Variants in HRH4 observed in about 807,000 individuals in gnomAD.
HRH4 encodes the protein histamine H4 receptor.
In HRH4, 12 loss-of-function variants were observed where a neutral mutation model predicts 10.4. The observed-to-expected ratio is 1.15, with a 90% confidence interval of 0.74 to 1.87. HRH4 has a LOEUF of 1.87. HRH4 is among the 40% of genes most tolerant of loss of function. HRH4 has a pLI of 0.00. For synonymous variants in HRH4, 154 were observed against 166.6 expected, an observed-to-expected ratio of 0.92 and a Z score of 0.58; for missense variants, 415 against 453.3, an observed-to-expected ratio of 0.92 and a Z score of 0.77.
In HRH4 at chr18:24,477,159, G is replaced by A. The variant is rs1287055396; in HGVS notation, c.770G>A (p.Ser257Asn). 1 of 1,614,210 alleles carries A rather than the reference G, an allele frequency of 6.2e-7. No homozygotes were observed. The highest frequency in any genetic ancestry group is 8.5e-7 in the Non-Finnish European group (1 of 1,180,034). Residue 257 changes from serine to asparagine, a missense_variant, in exon 3 of 3, where the codon AGT becomes AAT. Coordinates refer to ENST00000256906, the MANE Select transcript of HRH4 (RefSeq NM_021624.4). ...SFHSERQRRK[S>N]SLMFSSRTKM... ...CATTCAGAGAGACAGAGGAGAAAGAGTAGTCTCATGTTTTCCTCAAGAACC... is the reference window on the plus strand; with the variant it reads ...CATTCAGAGAGACAGAGGAGAAAGAATAGTCTCATGTTTTCCTCAAGAACC...
intron 2 of HRH4, among the ~76,000 whole-genome samples, chr18:24,471,491 C>T (rs1229035596): frequency 6.6e-6 from 1 of 150,508 alleles, no homozygotes; most frequent in Non-Finnish European, 1.5e-5. Context: ...CCTGTAATCC[C>T]AGCTACTTGG....
intron 1 of HRH4, among the ~76,000 whole-genome samples, chr18:24,468,159 A>G (rs1316894939): frequency 1.3e-5 from 2 of 152,148 alleles, no homozygotes; most frequent in African/African-American, 4.8e-5. Flanking sequence ...AAAATGCTGT[A>G]GTATTTCCAT....
In HRH4 at chr18:24,460,769, C is replaced by T. The variant is rs764937377; in HGVS notation, c.41C>T (p.Thr14Ile). 3.2e-6 allele frequency: 5 copies of T among 1,539,004 alleles called. No homozygotes were observed. The East Asian group carries it at 1.1e-4, about 35-fold the overall frequency. Residue 14 changes from threonine to isoleucine, a missense_variant, in exon 1 of 3, where the codon ACT becomes ATT. Physicochemically the swap from Thr to Ile is moderately conservative, Grantham distance 89 (BLOSUM62 -1). Transcript: ENST00000256906. ...AGCACAATCAATTTATCACTAAGCA[C>T]TCGTGTTACTTTAGCATTTTTTATG... The part of the protein sequence containing the change: ...TNSTINLSLS[T>I]RVTLAFFMSL...
rs185516329 is a variant in HRH4 at position 24,465,663 on chromosome 18, C to T, written c.194-3125C>T. Among the ~76,000 whole-genome samples, 258 of 152,170 alleles carry T rather than the reference C, an allele frequency of 1.7e-3. 1 individual carries two copies. Among genetic ancestry groups the T allele is most frequent in the African/African-American group, 6.0e-3 (250 of 41,506 alleles). On this transcript the variant is annotated intron_variant, in intron 1 of 2. Coordinates refer to ENST00000256906, the MANE Select transcript of HRH4 (RefSeq NM_021624.4). ...CCGTTTTTTTGCAACTCGTTCGGAA[C>T]GAGCCACAGACATCTCTGTTGCTCA...
rs138584078 is a variant in HRH4 at position 24,462,995 on chromosome 18, CT to C, written c.193+2078del. Among the ~76,000 whole-genome samples, 1,421 of 152,218 alleles carry C rather than the reference CT, an allele frequency of 9.3e-3. 21 individuals carry two copies. Among genetic ancestry groups the C allele is most frequent in the African/African-American group, 0.033 (1,351 of 41,546 alleles). On this transcript the variant is annotated intron_variant, in intron 1 of 2. Coordinates refer to ENST00000256906, the MANE Select transcript of HRH4 (RefSeq NM_021624.4). The stretch of plus-strand genomic sequence containing the variant: ...GTCATCACTTAAAATAGATGATGTG[CT>C]TTTACTAACCCAAAGGGAGTGAGGC...
intron 1 of HRH4, among the ~76,000 whole-genome samples, chr18:24,468,291 C>T (rs1397777935): frequency 3.3e-5 from 5 of 152,212 alleles, no homozygotes; most frequent in Admixed American, 6.5e-5. Flanking sequence ...ATCCACCCAC[C>T]TTGGTCTCTC....
In HRH4 at chr18:24,478,370, CTAG is replaced by C. The variant is rs1910205440; in HGVS notation, c.*812_*814del. On this transcript the variant is annotated 3_prime_UTR_variant, in exon 3 of 3. Coordinates refer to ENST00000256906, the MANE Select transcript of HRH4 (RefSeq NM_021624.4). ...ATAGACCTGGTATACAGTCACTGAACTAGTAGATGTCAATAATTATTATTTTTA... is the reference window on the plus strand; with the variant it reads ...ATAGACCTGGTATACAGTCACTGAACTAGATGTCAATAATTATTATTTTTA... The C allele has an allele frequency of 6.6e-6, 1 of 152,210 alleles. No homozygotes were observed. Among genetic ancestry groups the C allele is most frequent in the Non-Finnish European group, 1.5e-5 (1 of 68,072 alleles). 9.4% of individuals were successfully genotyped at this position (152,210 alleles called of 1,614,324 possible). A position where few individuals can be genotyped will look rare whatever the true frequency, so the allele number is the denominator to read the frequency against.
intron 1 of HRH4, among the ~76,000 whole-genome samples, chr18:24,467,294 T>C (rs1035716786): frequency 2.0e-5 from 3 of 152,186 alleles, no homozygotes; most frequent in Non-Finnish European, 2.9e-5. Context: ...CTAGAGGTTG[T>C]AGGAAATACA....
chr18:24,473,415 TC>T (rs1278699512), intron 2 of HRH4, among the ~76,000 whole-genome samples: 4 of 152,194 alleles, frequency 2.6e-5, no homozygotes, highest in African/African-American at 9.7e-5. Flanking sequence ...GACAGGGCCA[TC>T]CTTTCTCAGA....
intron 1 of HRH4, 120 bp from the exon 2 acceptor site, chr18:24,468,668 T>G (rs1909844250): frequency 1.0e-6 from 1 of 952,772 alleles, no homozygotes; most frequent in East Asian, 2.7e-5. Flanking sequence ...ATTTCTAAAT[T>G]AGAGACAAAT....
At chr18:24,465,567 A>C (rs1909751817) in intron 1 of HRH4, among the ~76,000 whole-genome samples, 2 of 152,214 alleles carry the variant, frequency 1.3e-5, no homozygotes. Flanking sequence ...CATTTGACCC[A>C]AAAACACAAT....
intron 1 of HRH4, among the ~76,000 whole-genome samples, chr18:24,465,347 G>A (rs1909746607): frequency 6.6e-6 from 1 of 152,016 alleles, no homozygotes; most frequent in African/African-American, 2.4e-5. Context: ...CGCCCTTGGG[G>A]GAAGAGCATT....
intron 1 of HRH4, 151 bp from the exon 2 acceptor site, chr18:24,468,637 C>G: frequency 5.4e-6 from 4 of 738,276 alleles, no homozygotes; most frequent in Non-Finnish European, 8.4e-6. Context: ...CAGTCCTGAG[C>G]TGCTTGATGA....
chr18:24,468,924 T>C lies in HRH4; in HGVS notation c.330T>C (p.Tyr110=), dbSNP rs1374425524. Residue 110 remains tyrosine (Y), a synonymous_variant, in exon 2 of 3, where the codon TAT becomes TAC. Coordinates refer to ENST00000256906, the MANE Select transcript of HRH4 (RefSeq NM_021624.4). ...TATATAACATTGTCCTCATCAGCTA[T>C]GATCGATACCTGTCAGTCTCAAATG... ...ASVYNIVLIS[Y]DRYLSVSNAV... is the part of the protein sequence containing the mutation. The C allele has an allele frequency of 6.2e-7, 1 of 1,609,858 alleles. No individual in the cohort carries two copies. The highest frequency in any genetic ancestry group is 2.2e-5 in the East Asian group (1 of 44,658).
chr18:24,463,658 T>C (rs1909698140), intron 1 of HRH4, among the ~76,000 whole-genome samples: 1 of 152,196 alleles, frequency 6.6e-6, no homozygotes, highest in African/African-American at 2.4e-5. Flanking sequence ...TCACATGTGC[T>C]TGGAACTGTG....
Position 24,460,678 on chromosome 18 carries a change from T to A in HRH4, c.-51T>A. On this transcript the variant is annotated 5_prime_UTR_variant, in exon 1 of 3. In the 5' UTR this introduces an upstream ATG that the reference lacks. Coordinates refer to ENST00000256906, the MANE Select transcript of HRH4 (RefSeq NM_021624.4). ...TGATTAGAAAACATACTTGTCAGAA[T>A]TGTCTGGCTGGATTAATTTGCTAAT... 8.1e-7 allele frequency: 1 copy of A among 1,229,778 alleles called. No homozygotes were observed. 76.2% of individuals were successfully genotyped at this position (1,229,778 alleles called of 1,614,324 possible). A position where few individuals can be genotyped will look rare whatever the true frequency, so the allele number is the denominator to read the frequency against.
At chr18:24,474,270 A>AG (rs1223524156) in intron 2 of HRH4, among the ~76,000 whole-genome samples, 1 of 151,706 alleles carries the variant, frequency 6.6e-6, no homozygotes, top group African/African-American at 2.4e-5. Flanking sequence ...AGGCAAAAAA[A>AG]AAAGTGTATC....
intron 1 of HRH4, among the ~76,000 whole-genome samples, chr18:24,464,909 A>G (rs1387094924): frequency 6.6e-6 from 1 of 152,126 alleles, no homozygotes; most frequent in East Asian, 1.9e-4. Context: ...ATTGCTACTG[A>G]AAAAAATGCA....
Position 24,477,791 on chromosome 18 carries a change from G to A in HRH4, c.*229G>A, listed in dbSNP as rs1910188021. On this transcript the variant is annotated 3_prime_UTR_variant, in exon 3 of 3. Transcript: ENST00000256906. ...GTCCTCACCTCTTCCTTGTCTTTTA[G>A]ATCTTAATTTCATGCTGATTACAAA... The A allele has an allele frequency of 2.7e-6, 1 of 377,244 alleles. No individual in the cohort carries two copies. The highest frequency in any genetic ancestry group is 4.7e-6 in the Non-Finnish European group (1 of 211,420). 23.4% of individuals were successfully genotyped at this position (377,244 alleles called of 1,614,324 possible). A position where few individuals can be genotyped will look rare whatever the true frequency, so the allele number is the denominator to read the frequency against.
Sources: allele counts gnomAD v4.1 joint callset (sites outside exome capture counted in the v4.1 genomes callset), GRCh38; gene constraint gnomAD v4.1.1; transcripts MANE v1.5; gene names NCBI Gene and HGNC (gene_info 2026-07-23, HGNC 2026-07-21).